The following PTPRN2 variants were observed in gnomAD, a reference collection of about 807,000 sequenced individuals.
The protein encoded by PTPRN2 is receptor-type tyrosine-protein phosphatase N2.
A neutral mutation model predicts 118.8 loss-of-function variants in PTPRN2; 74 were observed. The observed-to-expected ratio is 0.62, with a 90% confidence interval of 0.52 to 0.76. The LOEUF (loss-of-function observed/expected upper bound fraction) is 0.76, where lower values mean the gene tolerates loss of function less well. PTPRN2 is among the 30% of genes least tolerant of loss of function. The pLI is 0.00. For missense variants in PTPRN2, 1,481 were observed against 1,394.4 expected (o/e 1.06, Z -0.99); for synonymous variants, 641 against 608.0 (o/e 1.05, Z -0.80).
At chr7:158,434,817 G>A (rs1816467860) in intron 2 of PTPRN2, among the ~76,000 whole-genome samples, 2 of 151,718 alleles carry the variant, frequency 1.3e-5, no homozygotes, top group Admixed American at 1.3e-4. Flanking sequence ...GGCTATTCTA[G>A]AAATAATAAC....
intron 10 of PTPRN2, among the ~76,000 whole-genome samples, chr7:158,103,875 T>C (rs1815447602): frequency 6.6e-6 from 1 of 151,998 alleles, no homozygotes; most frequent in South Asian, 2.1e-4. Context: ...ATTATTTTTT[T>C]TTTTTGAGAT....
chr7:158,432,643 CT>C (rs1389384698), intron 2 of PTPRN2, among the ~76,000 whole-genome samples: 3 of 152,188 alleles, frequency 2.0e-5, no homozygotes, highest in African/African-American at 7.2e-5. Context: ...ACTTTACAAA[CT>C]TTTTGTTGAG....
At position 158,110,874 on chromosome 7, in the gene PTPRN2, A is replaced by T; in HGVS notation, c.1598T>A (p.Val533Asp). The change falls in exon 10 of 23, where the codon GTC becomes GAC. Residue 533 changes from valine to aspartate, a missense_variant. This residue lies in a region of PTPRN2 where 1,115 missense variants were observed against 994.2 expected (regional missense o/e 1.12). Coordinates refer to ENST00000389418, the MANE Select transcript of PTPRN2 (RefSeq NM_002847.5). ...PEEGRRLVED[V>D]ARLLQVPSSA... is the part of the protein sequence containing the mutation. ...GCTGGGCACCTGCAGGAGGCGGGCG[A>T]CGTCCTCCACCAGCCGCCTTCCTTC... The T allele has an allele frequency of 1.9e-6, 3 of 1,587,112 alleles. No individual in the cohort carries two copies. Among genetic ancestry groups the T allele is most frequent in the Non-Finnish European group, 2.6e-6 (3 of 1,166,732 alleles).
At chr7:158,072,025 C>CGTGGTGGTGG (rs1563394594) in intron 11 of PTPRN2, among the ~76,000 whole-genome samples, 6 of 113,934 alleles carry the variant, frequency 5.3e-5, no homozygotes, top group African/African-American at 2.1e-4. Flanking sequence ...TGGAGGTGCT[C>CGTGGTGGTGG]ATGGTGGAGG....
intron 21 of PTPRN2, among the ~76,000 whole-genome samples, chr7:157,556,965 G>A (rs1243000691): frequency 6.8e-6 from 1 of 146,876 alleles, no homozygotes; most frequent in Non-Finnish European, 1.5e-5. Context: ...CATGTCATAT[G>A]CACACACATG....
At chr7:157,796,367 T>C (rs1453709564) in intron 12 of PTPRN2, among the ~76,000 whole-genome samples, 1 of 151,982 alleles carries the variant, frequency 6.6e-6, no homozygotes, top group Non-Finnish European at 1.5e-5. Flanking sequence ...TGGGGCCTTG[T>C]GGGCTCTGAG....
intron 5 of PTPRN2, among the ~76,000 whole-genome samples, chr7:158,187,943 T>A (rs549806603): frequency 2.6e-5 from 4 of 152,298 alleles, no homozygotes; most frequent in Non-Finnish European, 5.9e-5. Flanking sequence ...ATATTTGACA[T>A]GACCGGTGCC....
At chr7:158,560,140 CA>C (rs1482550907) in intron 1 of PTPRN2, among the ~76,000 whole-genome samples, 1 of 152,242 alleles carries the variant, frequency 6.6e-6, no homozygotes. Flanking sequence ...AAAGGCCACC[CA>C]TGGTGTAGCA....
intron 9 of PTPRN2, among the ~76,000 whole-genome samples, chr7:158,129,323 A>G (rs540899119): frequency 6.7e-6 from 1 of 148,840 alleles, no homozygotes; most frequent in East Asian, 2.0e-4. Flanking sequence ...CTACACACAT[A>G]CTGTACACCA....
At chr7:158,035,167 G>A (rs538872412) in intron 11 of PTPRN2, among the ~76,000 whole-genome samples, 13 of 152,304 alleles carry the variant, frequency 8.5e-5, no homozygotes, top group African/African-American at 2.9e-4. Flanking sequence ...GTGTTTACAC[G>A]CATCAGCATG....
intron 12 of PTPRN2, among the ~76,000 whole-genome samples, chr7:157,873,961 C>G (rs938308583): frequency 1.3e-5 from 2 of 152,298 alleles, no homozygotes; most frequent in Non-Finnish European, 1.5e-5. Flanking sequence ...TTTGACGGCT[C>G]TAGGTCTGCC....
chr7:158,506,303 C>G (rs971746967), intron 1 of PTPRN2, among the ~76,000 whole-genome samples: 1 of 152,142 alleles, frequency 6.6e-6, no homozygotes, highest in Admixed American at 6.5e-5. Flanking sequence ...CCACTGGCAG[C>G]AATCATGAAG....
intron 11 of PTPRN2, among the ~76,000 whole-genome samples, chr7:158,036,747 A>C (rs1417930487): frequency 6.6e-6 from 1 of 152,244 alleles, no homozygotes; most frequent in East Asian, 1.9e-4. Context: ...GGAATAAAGC[A>C]TCCTTAACCC....
intron 12 of PTPRN2, among the ~76,000 whole-genome samples, chr7:157,683,824 C>T (rs1195366766): frequency 1.3e-5 from 2 of 152,104 alleles, no homozygotes; most frequent in African/African-American, 4.8e-5. Flanking sequence ...AATGGGAAGG[C>T]CGCCCCGCAG....
chr7:158,259,735 C>T (rs1465386974), intron 3 of PTPRN2, among the ~76,000 whole-genome samples: 5 of 148,214 alleles, frequency 3.4e-5, no homozygotes, highest in Non-Finnish European at 7.5e-5. Flanking sequence ...GTTTGTGTGT[C>T]CATGTGTCCA....
At chr7:158,063,127 A>G (rs1249507547) in intron 11 of PTPRN2, among the ~76,000 whole-genome samples, 28 of 152,354 alleles carry the variant, frequency 1.8e-4, no homozygotes, top group East Asian at 1.9e-4. Context: ...GTTTGTAAAT[A>G]CACCAATCAG....
At chr7:158,219,441 A>G (rs1384273320) in intron 3 of PTPRN2, among the ~76,000 whole-genome samples, 2 of 152,136 alleles carry the variant, frequency 1.3e-5, no homozygotes, top group Non-Finnish European at 2.9e-5. Context: ...AGTTTATAAC[A>G]CTAAACAACT....
At chr7:158,412,903 TGCCCTCCTCAACACCAGGGCCCATCCAGC>T (rs1814290404) in intron 2 of PTPRN2, among the ~76,000 whole-genome samples, 1 of 76,296 alleles carries the variant, frequency 1.3e-5, no homozygotes, top group Admixed American at 1.5e-4. Flanking sequence ...GCCCATCCAG[TGCCCTCCTCAACACCAGGGCCCATCCAGC>T]GCCCTCCTCA....
chr7:158,247,106 G>A (rs370989541), intron 3 of PTPRN2, among the ~76,000 whole-genome samples: 74 of 152,326 alleles, frequency 4.9e-4, no homozygotes, highest in African/African-American at 1.8e-3. Flanking sequence ...CTCAAGGAAT[G>A]AGGAGGTGTG....
Sources: allele counts gnomAD v4.1 joint callset (sites outside exome capture counted in the v4.1 genomes callset), GRCh38; gene constraint gnomAD v4.1.1; regional missense constraint gnomAD v4.1.1; transcripts MANE v1.5; gene names NCBI Gene and HGNC (gene_info 2026-07-23, HGNC 2026-07-21).